Variants in OPCML observed in about 807,000 individuals in gnomAD.
OPCML encodes opioid-binding protein/cell adhesion molecule.
A neutral mutation model predicts 37.8 loss-of-function variants in OPCML; 13 were observed. The observed-to-expected ratio is 0.34, with a 90% CI of 0.22 to 0.55. The LOEUF is 0.55. Ranked by LOEUF, OPCML falls within the 20% of genes least tolerant of loss-of-function variation. The pLI is 0.91. For missense variants in OPCML, 341 were observed against 435.6 expected (o/e 0.78, Z 1.93); for synonymous variants, 176 against 168.8 (o/e 1.04, Z -0.33).
At chr11:132,731,613 T>TC (rs1945078417) in intron 2 of OPCML, among the ~76,000 whole-genome samples, 1 of 152,184 alleles carries the variant, frequency 6.6e-6, no homozygotes, top group African/African-American at 2.4e-5. Context: ...GGTCTTCATG[T>TC]TAGGCTTGCA....
chr11:132,753,197 C>G (rs2136074648), intron 2 of OPCML, among the ~76,000 whole-genome samples: 1 of 152,256 alleles, frequency 6.6e-6, no homozygotes, highest in African/African-American at 2.4e-5. Flanking sequence ...TCCTGGCTCC[C>G]AGTCTATCTT....
intron 2 of OPCML, among the ~76,000 whole-genome samples, chr11:132,929,094 A>G (rs747716173): frequency 1.3e-5 from 2 of 151,812 alleles, no homozygotes; most frequent in Non-Finnish European, 2.9e-5. Context: ...AAGAAAGAAA[A>G]TAATAAATAT....
At chr11:132,890,717 C>T (rs1455550016) in intron 2 of OPCML, among the ~76,000 whole-genome samples, 4 of 149,644 alleles carry the variant, frequency 2.7e-5, no homozygotes, top group South Asian at 2.1e-4. Flanking sequence ...ATTAGCCAGG[C>T]GTGGTGGTGG....
chr11:133,370,431 A>G (rs1944646892), intron 1 of OPCML, among the ~76,000 whole-genome samples: 1 of 151,998 alleles, frequency 6.6e-6, no homozygotes. Context: ...ATCAATAATG[A>G]ATGAGCCTAG....
rs182455568 is a variant in OPCML at position 132,655,978 on chromosome 11, G to A, written c.379+1109C>T. ...AAATTCTGTTGGATCTATGACAGAT[G>A]GGATCTGATAAAAGGCAGATGCTAA... On this transcript the variant is annotated intron_variant, in intron 3 of 7. Transcript: ENST00000524381. 5.3e-3 allele frequency among the ~76,000 whole-genome samples: 811 copies of A among 151,612 alleles called. 4 individuals are homozygous for A. Among genetic ancestry groups the A allele is most frequent in the Middle Eastern group, 0.017 (5 of 292 alleles).
intron 3 of OPCML, among the ~76,000 whole-genome samples, chr11:132,649,239 G>A (rs1163277098): frequency 1.3e-5 from 2 of 152,130 alleles, no homozygotes; most frequent in Non-Finnish European, 2.9e-5. Context: ...ACAACAGTGG[G>A]AGAAAAGGCC....
intron 3 of OPCML, among the ~76,000 whole-genome samples, chr11:132,565,258 A>C (rs577327027): frequency 2.4e-4 from 36 of 152,246 alleles, no homozygotes; most frequent in African/African-American, 8.2e-4. Flanking sequence ...CAATATTTCC[A>C]AACACTAATG....
intron 3 of OPCML, among the ~76,000 whole-genome samples, chr11:132,586,247 A>G (rs1295660860): frequency 6.6e-6 from 1 of 152,236 alleles, no homozygotes; most frequent in East Asian, 1.9e-4. Flanking sequence ...AAGTAAAAGA[A>G]AAATGAAACT....
chr11:132,509,841 G>A (rs2096794), intron 4 of OPCML, among the ~76,000 whole-genome samples: 30,437 of 152,166 alleles, frequency 0.2, 3,138 homozygotes, highest in Non-Finnish European at 0.22. Flanking sequence ...ATGTGGGGTG[G>A]GAGCTCCCAC....
At position 132,943,147 on chromosome 11, in the gene OPCML, G is replaced by C; in HGVS notation, c.62-137C>G. On this transcript the variant is annotated intron_variant, in intron 1 of 7. Coordinates refer to ENST00000524381, the MANE Select transcript of OPCML (RefSeq NM_001012393.5). This position sits in a 1 kb window ranked among gnomAD's most constrained non-coding sequence, Gnocchi z 4.3. ...GGCAGCCGCACAGTCCTGGTCCCCCGCCCCGCGCACCAGCGGGCTCGGGAA... is the reference window on the plus strand; with the variant it reads ...GGCAGCCGCACAGTCCTGGTCCCCCCCCCCGCGCACCAGCGGGCTCGGGAA... 2 of 1,603,630 alleles carry C rather than the reference G, an allele frequency of 1.2e-6. No individual in the cohort carries two copies. Among genetic ancestry groups the C allele is most frequent in the South Asian group, 1.1e-5 (1 of 90,672 alleles).
intron 1 of OPCML, among the ~76,000 whole-genome samples, chr11:133,228,643 G>A (rs1565516884): frequency 6.6e-6 from 1 of 152,210 alleles, no homozygotes; most frequent in Non-Finnish European, 1.5e-5. Context: ...CCCCCGCTTG[G>A]GCTGCCCCTC....
intron 1 of OPCML, among the ~76,000 whole-genome samples, chr11:132,949,420 G>A (rs924793709): frequency 6.6e-6 from 1 of 152,178 alleles, no homozygotes; most frequent in East Asian, 1.9e-4. Flanking sequence ...AGACAAAGGG[G>A]AGGTGGGCCT....
At chr11:133,151,840 C>T (rs1156547166) in intron 1 of OPCML, among the ~76,000 whole-genome samples, 1 of 152,068 alleles carries the variant, frequency 6.6e-6, no homozygotes, top group Non-Finnish European at 1.5e-5. Context: ...CTGAGATCCC[C>T]AAGGCTGAAA....
chr11:133,372,025 G>A (rs1356378646), intron 1 of OPCML, among the ~76,000 whole-genome samples: 1 of 152,104 alleles, frequency 6.6e-6, no homozygotes, highest in African/African-American at 2.4e-5. Context: ...TGAGAAGGGT[G>A]TGGGGGGAGG....
At chr11:132,534,002 C>G (rs1475363999) in intron 3 of OPCML, among the ~76,000 whole-genome samples, 2 of 152,134 alleles carry the variant, frequency 1.3e-5, no homozygotes, top group African/African-American at 4.8e-5. Context: ...TCTTCTTTAT[C>G]CCTATAAACA....
At chr11:133,210,126 C>A (rs1353013332) in intron 1 of OPCML, among the ~76,000 whole-genome samples, 1 of 152,190 alleles carries the variant, frequency 6.6e-6, no homozygotes, top group African/African-American at 2.4e-5. Context: ...CTGGGACGTG[C>A]CTCATTTGGC....
chr11:132,681,580 C>T (rs1044058700), intron 2 of OPCML, among the ~76,000 whole-genome samples: 14 of 152,250 alleles, frequency 9.2e-5, no homozygotes, highest in African/African-American at 2.6e-4. Flanking sequence ...TAAAATCCTC[C>T]GCTTTCACCA....
chr11:133,155,418 T>G (rs1024949066), intron 1 of OPCML, among the ~76,000 whole-genome samples: 7 of 152,146 alleles, frequency 4.6e-5, no homozygotes, highest in African/African-American at 9.7e-5. Flanking sequence ...TTCTTAGGGA[T>G]CATTCTGACC....
intron 1 of OPCML, among the ~76,000 whole-genome samples, chr11:133,056,090 A>G (rs1003963600): frequency 6.6e-6 from 1 of 152,272 alleles, no homozygotes; most frequent in African/African-American, 2.4e-5. Flanking sequence ...TGGTGTTCAA[A>G]TGACTCAAAA....
Sources: allele counts gnomAD v4.1 joint callset (sites outside exome capture counted in the v4.1 genomes callset), GRCh38; gene constraint gnomAD v4.1.1; non-coding constraint Gnocchi (gnomAD v3.1); transcripts MANE v1.5; gene names NCBI Gene and HGNC (gene_info 2026-07-23, HGNC 2026-07-21).